Variants in LDB2 observed in about 807,000 individuals in gnomAD.
The protein encoded by LDB2 is LIM domain binding 2.
A neutral mutation model predicts 44.3 loss-of-function variants in LDB2; 12 were observed. The observed-to-expected ratio is 0.27, with a 90% CI of 0.17 to 0.44. The LOEUF is 0.44. Among genes scored for constraint, LDB2 ranks in the 20% least tolerant of loss-of-function variants. The probability of loss-of-function intolerance (pLI) is 1.00; values close to 1 mark genes in which losing one functional copy is unlikely to be tolerated. For synonymous variants in LDB2, 164 were observed against 174.8 expected (o/e 0.94, Z 0.49); for missense variants, 344 against 473.5 (o/e 0.73, Z 2.54).
At chr4:16,627,717 C>G (rs890430335) in intron 2 of LDB2, among the ~76,000 whole-genome samples, 1 of 152,170 alleles carries the variant, frequency 6.6e-6, no homozygotes, top group East Asian at 1.9e-4. Flanking sequence ...CTTGTGAAAT[C>G]GCTTCTCTTT....
intron 1 of LDB2, among the ~76,000 whole-genome samples, chr4:16,835,125 C>A (rs1784690320): frequency 6.6e-6 from 1 of 152,056 alleles, no homozygotes; most frequent in African/African-American, 2.4e-5. Context: ...AGAATAGAGG[C>A]CTTAATTTCA....
At chr4:16,586,518 AC>A (rs1371826653) in intron 4 of LDB2, among the ~76,000 whole-genome samples, 2 of 86,956 alleles carry the variant, frequency 2.3e-5, no homozygotes, top group African/African-American at 4.1e-5. Flanking sequence ...ACACACACAC[AC>A]ACACACAAAA....
At position 16,864,806 on chromosome 4, in the gene LDB2, T is replaced by A. The variant is rs190377156; in HGVS notation, c.132+33548A>T. The stretch of plus-strand genomic sequence containing the variant: ...TGGGCGTGGTGGCGGGCGCCTGTAA[T>A]CCCAGCTACTTGGGAGGCTGAGGCA... On this transcript the variant is annotated intron_variant, in intron 1 of 7. Coordinates refer to ENST00000304523, the MANE Select transcript of LDB2 (RefSeq NM_001290.5). Among the ~76,000 whole-genome samples the A allele has an allele frequency of 1.7e-4, 26 of 152,060 alleles. No homozygotes were observed. In the East Asian group the frequency reaches 5.0e-3, roughly 30 times the overall value.
At chr4:16,719,322 G>A (rs1443034928) in intron 2 of LDB2, among the ~76,000 whole-genome samples, 1 of 152,090 alleles carries the variant, frequency 6.6e-6, no homozygotes, top group Non-Finnish European at 1.5e-5. Flanking sequence ...TAAAGAAAGT[G>A]TGTACATAGA....
chr4:16,754,294 A>T (rs1490339226), intron 2 of LDB2, among the ~76,000 whole-genome samples: 1 of 152,142 alleles, frequency 6.6e-6, no homozygotes, highest in East Asian at 1.9e-4. Flanking sequence ...CTGCCCATTA[A>T]AAAGGTCATA....
intron 1 of LDB2, among the ~76,000 whole-genome samples, chr4:16,802,726 G>A (rs1207755149): frequency 6.6e-6 from 1 of 152,124 alleles, no homozygotes; most frequent in Non-Finnish European, 1.5e-5. Flanking sequence ...TGTTGTGGGA[G>A]GGACCCAGTG....
intron 5 of LDB2, among the ~76,000 whole-genome samples, chr4:16,566,804 A>C (rs1744692081): frequency 6.6e-6 from 1 of 152,208 alleles, no homozygotes; most frequent in East Asian, 1.9e-4. Context: ...TCTGTAAGGA[A>C]AAACAACCCA....
chr4:16,782,849 G>A (rs1013732896), intron 1 of LDB2, among the ~76,000 whole-genome samples: 1 of 152,092 alleles, frequency 6.6e-6, no homozygotes, highest in African/African-American at 2.4e-5. Flanking sequence ...GGGGAGTAGA[G>A]GAAGGGGGCA....
intron 5 of LDB2, among the ~76,000 whole-genome samples, chr4:16,554,002 C>T (rs1738583896): frequency 6.6e-6 from 1 of 152,022 alleles, no homozygotes; most frequent in African/African-American, 2.4e-5. Flanking sequence ...CTAGATCTCT[C>T]TCTCTTCCCC....
intron 2 of LDB2, among the ~76,000 whole-genome samples, chr4:16,643,760 AT>A (rs1560736668): frequency 2.0e-5 from 3 of 152,140 alleles, no homozygotes; most frequent in African/African-American, 7.2e-5. Flanking sequence ...CGTTGTTTAA[AT>A]AAAAAAAAAA....
At chr4:16,587,616 A>G (rs964827776) in intron 4 of LDB2, among the ~76,000 whole-genome samples, 5 of 152,182 alleles carry the variant, frequency 3.3e-5, no homozygotes, top group Non-Finnish European at 7.4e-5. Context: ...AACAAAAAGC[A>G]TAAGGCTAAT....
chr4:16,695,252 C>G (rs1751831662), intron 2 of LDB2, among the ~76,000 whole-genome samples: 1 of 152,080 alleles, frequency 6.6e-6, no homozygotes, highest in South Asian at 2.1e-4. Flanking sequence ...AATTATTGCT[C>G]TAGGCGGGGC....
At chr4:16,716,370 G>A (rs552755736) in intron 2 of LDB2, among the ~76,000 whole-genome samples, 1 of 152,258 alleles carries the variant, frequency 6.6e-6, no homozygotes, top group African/African-American at 2.4e-5. Flanking sequence ...TAGAATATTT[G>A]GGATGAAGTG....
intron 2 of LDB2, among the ~76,000 whole-genome samples, chr4:16,738,436 T>C (rs907383921): frequency 1.3e-5 from 2 of 152,132 alleles, no homozygotes; most frequent in African/African-American, 4.8e-5. Flanking sequence ...TGATAAAACA[T>C]ACAAGGAGCT....
intron 1 of LDB2, among the ~76,000 whole-genome samples, chr4:16,781,323 T>C (rs1238666052): frequency 6.6e-6 from 1 of 152,202 alleles, no homozygotes; most frequent in Non-Finnish European, 1.5e-5. Flanking sequence ...TACTTGAGAA[T>C]GAGTCTTCAC....
chr4:16,622,126 C>T (rs967183200), intron 2 of LDB2, among the ~76,000 whole-genome samples: 10 of 152,090 alleles, frequency 6.6e-5, no homozygotes, highest in African/African-American at 1.7e-4. Context: ...TTTGCCTTTG[C>T]GGCCAGTGAA....
chr4:16,626,948 A>G (rs976354898), intron 2 of LDB2: 3 of 152,218 alleles, frequency 2.0e-5, no homozygotes, highest in African/African-American at 7.2e-5. Context: ...GACTATAGAC[A>G]AAGGATTCTC....
chr4:16,519,371 TACA>T (rs1725084169), intron 5 of LDB2, among the ~76,000 whole-genome samples: 4 of 151,950 alleles, frequency 2.6e-5, no homozygotes, highest in African/African-American at 7.2e-5. Flanking sequence ...TCCAAGGCAG[TACA>T]GCTATTTGAA....
chr4:16,864,229 C>G (rs956772556), intron 1 of LDB2, among the ~76,000 whole-genome samples: 2 of 152,152 alleles, frequency 1.3e-5, no homozygotes, highest in African/African-American at 4.8e-5. Context: ...ATACATTACT[C>G]TTTTCTATTC....
Sources: gnomAD v4.1 joint callset for allele counts (sites outside exome capture counted in the v4.1 genomes callset) on GRCh38, gnomAD v4.1.1 for gene constraint, MANE v1.5 for transcripts, NCBI Gene and HGNC (gene_info 2026-07-23, HGNC 2026-07-21) for gene names.